Variants in ADAMTS3 observed in about 807,000 individuals in gnomAD.
The protein encoded by ADAMTS3 is A disintegrin and metalloproteinase with thrombospondin motifs 3.
ADAMTS3 carries 73 observed loss-of-function variants against 129.0 expected under a neutral mutation model. That is an observed-to-expected ratio of 0.57 (90% CI 0.47 to 0.69). The LOEUF (loss-of-function observed/expected upper bound fraction) is 0.69. ADAMTS3 is among the 30% of genes least tolerant of loss of function. The pLI is 0.00. For missense variants in ADAMTS3, 1,457 were observed against 1,514.5 expected, an observed-to-expected ratio of 0.96 and a Z score of 0.63; for synonymous variants, 477 against 510.8, an observed-to-expected ratio of 0.93 and a Z score of 0.89.
At chr4:72,470,400 C>G (rs888204947) in intron 3 of ADAMTS3, among the ~76,000 whole-genome samples, 1 of 149,142 alleles carries the variant, frequency 6.7e-6, no homozygotes. Flanking sequence ...CACACACACA[C>G]ACACACATTT....
chr4:72,452,950 C>T (rs555417582), intron 3 of ADAMTS3, among the ~76,000 whole-genome samples: 8 of 151,820 alleles, frequency 5.3e-5, no homozygotes, highest in African/African-American at 1.7e-4. Flanking sequence ...CTAAAAAATG[C>T]AGCAGTAGGG....
chr4:72,444,335 T>C (rs559996346), intron 3 of ADAMTS3, among the ~76,000 whole-genome samples: 11 of 151,810 alleles, frequency 7.2e-5, no homozygotes, highest in Admixed American at 6.6e-4. Context: ...CTTTCCAAGA[T>C]CATAAAAAAC....
chr4:72,498,622 C>T (rs1028707986), intron 3 of ADAMTS3, among the ~76,000 whole-genome samples: 1 of 149,456 alleles, frequency 6.7e-6, no homozygotes, highest in Non-Finnish European at 1.5e-5. Context: ...TCAATATTCC[C>T]TCTCTCTCTC....
intron 3 of ADAMTS3, among the ~76,000 whole-genome samples, chr4:72,454,441 T>C (rs1342079291): frequency 6.6e-6 from 1 of 151,662 alleles, no homozygotes; most frequent in East Asian, 2.0e-4. Flanking sequence ...TGCTGAAAAG[T>C]GGTTTGTAGT....
At chr4:72,354,914 A>T (rs186587350) in intron 4 of ADAMTS3, among the ~76,000 whole-genome samples, 1 of 152,018 alleles carries the variant, frequency 6.6e-6, no homozygotes, top group Non-Finnish European at 1.5e-5. Context: ...CTCTTTCCTC[A>T]TATTCTGTCT....
rs1720528513 is a variant in ADAMTS3 at position 72,354,641 on chromosome 4, C to A, written c.662-14948G>T. Among the ~76,000 whole-genome samples the A allele has an allele frequency of 1.3e-5, 2 of 151,962 alleles. 1 individual carries two copies. Among genetic ancestry groups the A allele is most frequent in the African/African-American group, 4.8e-5 (2 of 41,402 alleles). On this transcript the variant is annotated intron_variant, in intron 4 of 21. Coordinates refer to ENST00000286657, the MANE Select transcript of ADAMTS3 (RefSeq NM_014243.3). ...AAATTACACATCCTGAGTTACAGGA[C>A]ATTTCAACATTGACATTCCAATGTC...
chr4:72,482,753 G>T (rs1224386948), intron 3 of ADAMTS3, among the ~76,000 whole-genome samples: 1 of 152,130 alleles, frequency 6.6e-6, no homozygotes, highest in Non-Finnish European at 1.5e-5. Context: ...TGTAGATCAT[G>T]ATTTAGTAAG....
At chr4:72,469,326 T>C (rs903490623) in intron 3 of ADAMTS3, among the ~76,000 whole-genome samples, 6 of 152,102 alleles carry the variant, frequency 3.9e-5, no homozygotes, top group African/African-American at 1.4e-4. Context: ...ACCTATAGAA[T>C]TCAAATGGTT....
intron 2 of ADAMTS3, among the ~76,000 whole-genome samples, chr4:72,557,818 T>TA (rs1440406561): frequency 4.6e-5 from 7 of 151,828 alleles, no homozygotes; most frequent in African/African-American, 1.7e-4. Flanking sequence ...TGCTACATCT[T>TA]AAAATGACCA....
At chr4:72,481,086 G>T (rs528132058) in intron 3 of ADAMTS3, among the ~76,000 whole-genome samples, 6 of 152,144 alleles carry the variant, frequency 3.9e-5, no homozygotes, top group African/African-American at 1.4e-4. Context: ...ATACTGTCAT[G>T]ATAAATTGAA....
At chr4:72,397,200 T>C (rs921761831) in intron 4 of ADAMTS3, among the ~76,000 whole-genome samples, 24 of 152,184 alleles carry the variant, frequency 1.6e-4, no homozygotes, top group African/African-American at 5.8e-4. Flanking sequence ...TCTGTGAGTA[T>C]ATTTTTTTAA....
intron 4 of ADAMTS3, among the ~76,000 whole-genome samples, chr4:72,352,868 A>G (rs2109846292): frequency 6.6e-6 from 1 of 152,130 alleles, no homozygotes. Context: ...ATGGAGCAAA[A>G]CTAAGTGAAT....
intron 3 of ADAMTS3, among the ~76,000 whole-genome samples, chr4:72,450,160 AG>A (rs1215737355): frequency 6.6e-6 from 1 of 151,694 alleles, no homozygotes; most frequent in Non-Finnish European, 1.5e-5. Context: ...AATTCCCTCC[AG>A]GCCTGTCTCA....
At chr4:72,345,154 T>C (rs1244417976) in intron 4 of ADAMTS3, among the ~76,000 whole-genome samples, 3 of 152,168 alleles carry the variant, frequency 2.0e-5, no homozygotes, top group Non-Finnish European at 4.4e-5. Flanking sequence ...AAGCATCATA[T>C]TGTTTTACAG....
intron 3 of ADAMTS3, among the ~76,000 whole-genome samples, chr4:72,540,491 C>G (rs577767931): frequency 6.6e-6 from 1 of 152,196 alleles, no homozygotes; most frequent in South Asian, 2.1e-4. Flanking sequence ...AAGCTCGCTG[C>G]AGAAATTTGC....
chr4:72,556,782 G>T (rs527289955), intron 2 of ADAMTS3, among the ~76,000 whole-genome samples: 1 of 151,712 alleles, frequency 6.6e-6, no homozygotes, highest in Non-Finnish European at 1.5e-5. Context: ...AGTATACAAA[G>T]GACTTGGTCC....
At chr4:72,304,122 A>C (rs1719025689) in intron 16 of ADAMTS3, 42 bp from the exon 17 acceptor site, 2 of 1,586,024 alleles carry the variant, frequency 1.3e-6, no homozygotes, top group Admixed American at 3.4e-5. Flanking sequence ...ATTTTATTTT[A>C]TCATATTAAG....
chr4:72,524,431 A>C (rs1214625693), intron 3 of ADAMTS3, among the ~76,000 whole-genome samples: 1 of 152,158 alleles, frequency 6.6e-6, no homozygotes, highest in East Asian at 1.9e-4. Flanking sequence ...TAACAAACTG[A>C]GTACAGCTAA....
chr4:72,524,955 A>C (rs1474687862), intron 3 of ADAMTS3, among the ~76,000 whole-genome samples: 1 of 152,202 alleles, frequency 6.6e-6, no homozygotes, highest in East Asian at 1.9e-4. Context: ...TAGAGACAGC[A>C]GTTGTGATAC....
Sources: gnomAD v4.1 joint callset for allele counts (sites outside exome capture counted in the v4.1 genomes callset) on GRCh38, gnomAD v4.1.1 for gene constraint, MANE v1.5 for transcripts, NCBI Gene and HGNC (gene_info 2026-07-23, HGNC 2026-07-21) for gene names.